PLCB1: variants seen among roughly 807,000 people sequenced by gnomAD.
The protein encoded by PLCB1 is 1-phosphatidylinositol 4,5-bisphosphate phosphodiesterase beta-1.
In PLCB1, 46 loss-of-function variants were observed where a neutral mutation model predicts 161.8. The observed-to-expected ratio is 0.28, with a 90% confidence interval of 0.22 to 0.36. The LOEUF (loss-of-function observed/expected upper bound fraction) is 0.36. Ranked by LOEUF, PLCB1 falls within the 10% of genes least tolerant of loss-of-function variation. The pLI, the probability that PLCB1 is intolerant of heterozygous loss-of-function variation, is 1.00. For missense variants in PLCB1, 1,016 were observed against 1,472.5 expected (o/e 0.69, Z 5.07); for synonymous variants, 517 against 503.7 (o/e 1.03, Z -0.35).
intron 11 of PLCB1, among the ~76,000 whole-genome samples, chr20:8,702,458 T>C (rs777951727): frequency 6.6e-6 from 1 of 152,138 alleles, no homozygotes; most frequent in Non-Finnish European, 1.5e-5. Context: ...CATATTAAAT[T>C]AGAGTAGGTT....
In PLCB1 at chr20:8,526,783, CT is replaced by C. The variant is rs1984601870; in HGVS notation, c.247-101510del. Among the ~76,000 whole-genome samples, 4 of 152,072 alleles carry C rather than the reference CT, an allele frequency of 2.6e-5. No homozygotes were observed. In the South Asian group the frequency reaches 8.3e-4, roughly 31 times the overall value. ...TAGCAGTAATATGGCCAGCTGTGGG[CT>C]GCAATGTTAATATGCACCTACTGTT... On this transcript the variant is annotated intron_variant, in intron 3 of 31. Transcript: ENST00000338037.
At position 8,722,369 on chromosome 20, in the gene PLCB1, A is replaced by G; in HGVS notation, c.1529A>G (p.Glu510Gly). 6.2e-7 allele frequency: 1 copy of G among 1,611,700 alleles called. No homozygotes were observed. Reference sequence around the variant, plus strand: ...AATTTGACAGGAGAAGCTGATACGGAAAGTGACGACGACGATGATGATGAT... The same window carrying G: ...AATTTGACAGGAGAAGCTGATACGGGAAGTGACGACGACGATGATGATGAT... The part of the protein sequence containing the change: ...SSPGAGEADT[E>G]SDDDDDDDDC... Residue 510 changes from glutamate to glycine, a missense_variant, in exon 15 of 32, where the codon GAA becomes GGA. This residue lies in a region of PLCB1 where 109 missense variants were observed against 129.7 expected (regional missense o/e 0.84). Coordinates refer to ENST00000338037, the MANE Select transcript of PLCB1 (RefSeq NM_015192.4).
intron 2 of PLCB1, among the ~76,000 whole-genome samples, chr20:8,260,215 G>A (rs1981624014): frequency 1.3e-5 from 2 of 151,008 alleles, no homozygotes; most frequent in South Asian, 4.2e-4. Flanking sequence ...TTATCAGCTG[G>A]GACTACAGGC....
chr20:8,418,844 C>G (rs1333731385), intron 3 of PLCB1, among the ~76,000 whole-genome samples: 1 of 152,108 alleles, frequency 6.6e-6, no homozygotes, highest in East Asian at 1.9e-4. Context: ...ATTGGTTCTA[C>G]TGGGTGAAAT....
At chr20:8,330,258 G>T (rs563719923) in intron 2 of PLCB1, among the ~76,000 whole-genome samples, 1 of 152,298 alleles carries the variant, frequency 6.6e-6, no homozygotes, top group South Asian at 2.1e-4. Context: ...AATGTAGAGA[G>T]CAGATATTAC....
At chr20:8,138,644 A>G (rs2123006961) in intron 1 of PLCB1, among the ~76,000 whole-genome samples, 1 of 152,348 alleles carries the variant, frequency 6.6e-6, no homozygotes, top group Middle Eastern at 3.4e-3. Context: ...TAAGTAGGCA[A>G]AGGAAATATA....
chr20:8,845,938 A>G (rs1986675482), intron 31 of PLCB1, among the ~76,000 whole-genome samples: 2 of 152,250 alleles, frequency 1.3e-5, no homozygotes, highest in Non-Finnish European at 2.9e-5. Context: ...TGTTGATTGT[A>G]GAGACACACA....
intron 3 of PLCB1, among the ~76,000 whole-genome samples, chr20:8,416,232 G>A (rs2122527981): frequency 6.6e-6 from 1 of 152,176 alleles, no homozygotes; most frequent in Non-Finnish European, 1.5e-5. Flanking sequence ...GTCTGACAAG[G>A]GAGATTTTTC....
chr20:8,610,180 G>A (rs1357341593), intron 3 of PLCB1, among the ~76,000 whole-genome samples: 1 of 152,126 alleles, frequency 6.6e-6, no homozygotes, highest in Non-Finnish European at 1.5e-5. Flanking sequence ...AGTAATTGAT[G>A]TTTTTGCTTG....
intron 15 of PLCB1, among the ~76,000 whole-genome samples, chr20:8,724,178 TA>T (rs3034831): frequency 2.7e-5 from 4 of 147,862 alleles, no homozygotes; most frequent in Non-Finnish European, 6.0e-5. Flanking sequence ...TTTATTTATA[TA>T]AAAAAAAAAA....
At chr20:8,346,200 C>A (rs560121772) in intron 2 of PLCB1, among the ~76,000 whole-genome samples, 1 of 152,260 alleles carries the variant, frequency 6.6e-6, no homozygotes, top group African/African-American at 2.4e-5. Flanking sequence ...TAATTTCAAC[C>A]TTTTCCTGCT....
At chr20:8,757,830 C>A (rs772887982) in intron 24 of PLCB1, among the ~76,000 whole-genome samples, 3 of 150,918 alleles carry the variant, frequency 2.0e-5, no homozygotes, top group Non-Finnish European at 2.9e-5. Context: ...ACAGCCAAAG[C>A]CACACTCTTG....
At chr20:8,541,608 G>GAA (rs374845373) in intron 3 of PLCB1, among the ~76,000 whole-genome samples, 4 of 145,144 alleles carry the variant, frequency 2.8e-5, no homozygotes, top group Admixed American at 6.8e-5. Flanking sequence ...AAGAAAGAAA[G>GAA]GAAGGAAGAT....
Position 8,268,383 on chromosome 20 carries a change from T to A in PLCB1, c.178-102999T>A, listed in dbSNP as rs2123257764. 2.6e-5 allele frequency among the ~76,000 whole-genome samples: 4 copies of A among 152,338 alleles called. No homozygotes were observed. The South Asian group carries it at 8.3e-4, about 32-fold the overall frequency. ...GTCTATCATTGATGGACATTTGGGC[T>A]GGTTCCAAGTCTTTGCTATTGTGAA... On this transcript the variant is annotated intron_variant, in intron 2 of 31. Transcript: ENST00000338037.
chr20:8,418,872 G>A (rs895952487), intron 3 of PLCB1, among the ~76,000 whole-genome samples: 1 of 152,094 alleles, frequency 6.6e-6, no homozygotes, highest in Admixed American at 6.6e-5. Context: ...CTTCTCCAAT[G>A]CTTCTGATAC....
intron 3 of PLCB1, among the ~76,000 whole-genome samples, chr20:8,382,769 G>C (rs1453386168): frequency 6.6e-6 from 1 of 152,010 alleles, no homozygotes. Context: ...GGATGGTCTC[G>C]ATCTCCTGAC....
intron 2 of PLCB1, among the ~76,000 whole-genome samples, chr20:8,267,724 C>G (rs1364523987): frequency 6.6e-6 from 1 of 152,086 alleles, no homozygotes; most frequent in Non-Finnish European, 1.5e-5. Flanking sequence ...GCAAGTGGCT[C>G]AGGAGCCCAG....
chr20:8,879,309 AAAC>A (rs1987891612), intron 31 of PLCB1, among the ~76,000 whole-genome samples: 3 of 146,404 alleles, frequency 2.0e-5, no homozygotes, highest in Admixed American at 6.8e-5. Context: ...AAAAAAAAAA[AAAC>A]AAGTCATTTA....
chr20:8,245,460 T>A (rs1980834564), intron 2 of PLCB1, among the ~76,000 whole-genome samples: 1 of 151,946 alleles, frequency 6.6e-6, no homozygotes, highest in African/African-American at 2.4e-5. Context: ...GTAAGTCAAC[T>A]TGTATATTAT....
Sources: allele counts gnomAD v4.1 joint callset (sites outside exome capture counted in the v4.1 genomes callset), GRCh38; gene constraint gnomAD v4.1.1; regional missense constraint gnomAD v4.1.1; transcripts MANE v1.5; gene names NCBI Gene and HGNC (gene_info 2026-07-23, HGNC 2026-07-21).